Variants in OSBPL2 observed in about 807,000 individuals in gnomAD.
OSBPL2 encodes oxysterol binding protein like 2.
OSBPL2 carries 18 observed loss-of-function variants against 58.4 expected under a neutral mutation model. The observed-to-expected ratio is 0.31, with a 90% confidence interval of 0.21 to 0.46. OSBPL2 has a LOEUF of 0.46. Among genes scored for constraint, OSBPL2 ranks in the 20% least tolerant of loss-of-function variants. The pLI is 1.00. For missense variants in OSBPL2, 461 were observed against 616.5 expected, an observed-to-expected ratio of 0.75 and a Z score of 2.67; for synonymous variants, 221 against 234.1, an observed-to-expected ratio of 0.94 and a Z score of 0.51.
rs887335797 is a variant in OSBPL2, at chr20:62,295,269, A to T, written c.*1382A>T. 1 of 151,526 alleles carries T rather than the reference A, an allele frequency of 6.6e-6. No homozygotes were observed. Among genetic ancestry groups the T allele is most frequent in the Non-Finnish European group, 1.5e-5 (1 of 67,680 alleles). The allele number at this position is 151,526 out of a possible 1,614,324, so 9.4% of individuals were successfully genotyped here. A position where few individuals can be genotyped will look rare whatever the true frequency, so the allele number is the denominator to read the frequency against. ...GCCTGGCCGTGACTGATTTTTTTTC[A>T]TGTAGAATTGTCAACACGAGAGATC... On this transcript the variant is annotated 3_prime_UTR_variant, in exon 14 of 14. Coordinates refer to ENST00000313733, the MANE Select transcript of OSBPL2 (RefSeq NM_144498.4). The surrounding 1 kb of genome is among the most constrained non-coding windows in gnomAD (Gnocchi z 4.8).
intron 2 of OSBPL2, among the ~76,000 whole-genome samples, chr20:62,257,896 G>A (rs748600599): frequency 8.5e-5 from 13 of 152,074 alleles, no homozygotes; most frequent in Admixed American, 3.3e-4. Flanking sequence ...TGTACTTTTA[G>A]TAGAGACGGG....
chr20:62,257,253 T>C (rs1302424727), intron 2 of OSBPL2, among the ~76,000 whole-genome samples: 2 of 152,090 alleles, frequency 1.3e-5, no homozygotes, highest in African/African-American at 2.4e-5. Flanking sequence ...TTGATGGCTC[T>C]GGTGGCGCCT....
intron 1 of OSBPL2, among the ~76,000 whole-genome samples, chr20:62,251,896 T>TTTTTTTC (rs869097046): frequency 1.1e-5 from 1 of 90,528 alleles, no homozygotes; most frequent in African/African-American, 3.8e-5. Flanking sequence ...TTTTTTTTTT[T>TTTTTTTC]CTGGAGACAG....
chr20:62,245,252 C>G lies in OSBPL2; in HGVS notation c.-129+6655C>G, dbSNP rs548998919. Among the ~76,000 whole-genome samples the G allele has an allele frequency of 3.9e-5, 6 of 152,216 alleles. No individual in the cohort carries two copies. In the East Asian group the frequency reaches 9.7e-4, roughly 25 times the overall value. On this transcript the variant is annotated intron_variant, in intron 1 of 13. Transcript: ENST00000313733. ...TAGCTGGGACTACAGGCATGTGCCA[C>G]CTGTAATTTTTTTGTATTTTTAGTA...
chr20:62,263,257 C>T (rs1014067258), intron 3 of OSBPL2, among the ~76,000 whole-genome samples: 4 of 152,152 alleles, frequency 2.6e-5, no homozygotes, highest in African/African-American at 4.8e-5. Flanking sequence ...GTGGTCTGGC[C>T]GCTGCCCCAG....
chr20:62,281,726 C>T, intron 8 of OSBPL2, 64 bp from the exon 9 acceptor site: 3 of 1,281,992 alleles, frequency 2.3e-6, no homozygotes, highest in East Asian at 2.3e-5. Context: ...TCTCCTGTTA[C>T]AGAGTTACCC....
chr20:62,255,953 A>G, intron 1 of OSBPL2, 104 bp from the exon 2 acceptor site: 1 of 477,546 alleles, frequency 2.1e-6, no homozygotes, highest in East Asian at 3.8e-5. Context: ...ATTTGCTTAC[A>G]TGGAATTTAG....
intron 1 of OSBPL2, among the ~76,000 whole-genome samples, chr20:62,245,234 G>C (rs140721281): frequency 7.0e-4 from 107 of 152,254 alleles, no homozygotes; most frequent in African/African-American, 2.5e-3. Context: ...GAGTAGCTGG[G>C]ACTACAGGCA....
At chr20:62,270,200 CG>C (rs1981967201) in intron 4 of OSBPL2, among the ~76,000 whole-genome samples, 1 of 152,202 alleles carries the variant, frequency 6.6e-6, no homozygotes, top group Non-Finnish European at 1.5e-5. Context: ...CTGGTGCAGA[CG>C]AGGAGCCTGA....
intron 6 of OSBPL2, among the ~76,000 whole-genome samples, chr20:62,275,965 A>G (rs895422953): frequency 2.0e-5 from 3 of 148,460 alleles, no homozygotes; most frequent in Non-Finnish European, 4.4e-5. Context: ...GCTGGAGGGC[A>G]GTGGCATGAT....
intron 4 of OSBPL2, among the ~76,000 whole-genome samples, chr20:62,271,452 C>T (rs1323826876): frequency 6.6e-6 from 1 of 152,112 alleles, no homozygotes; most frequent in African/African-American, 2.4e-5. Context: ...GGGACCACTA[C>T]TCTGTTTTTT....
intron 10 of OSBPL2, 193 bp downstream of exon 10, chr20:62,284,362 G>A: frequency 1.7e-6 from 1 of 595,358 alleles, no homozygotes; most frequent in Non-Finnish European, 2.9e-6. Flanking sequence ...GGGTTTATCT[G>A]TATTTCTTTC....
chr20:62,257,325 C>T (rs79527636), intron 2 of OSBPL2, among the ~76,000 whole-genome samples: 16,232 of 152,232 alleles, frequency 0.11, 1,229 homozygotes, highest in African/African-American at 0.2. Context: ...CCTGTACCTG[C>T]GCTGGCAGCT....
At chr20:62,289,447 C>A in intron 12 of OSBPL2, 117 bp downstream of exon 12, 2 of 1,239,454 alleles carry the variant, frequency 1.6e-6, no homozygotes, top group South Asian at 1.5e-5. Flanking sequence ...GGAGCCCCGT[C>A]CCTCTCCCTA....
intron 1 of OSBPL2, among the ~76,000 whole-genome samples, chr20:62,250,043 C>G (rs1568826597): frequency 6.6e-6 from 1 of 152,252 alleles, no homozygotes; most frequent in Non-Finnish European, 1.5e-5. Context: ...GAGCTCAGCT[C>G]CAGGGTTGCC....
At chr20:62,251,485 T>C (rs1980537916) in intron 1 of OSBPL2, among the ~76,000 whole-genome samples, 2 of 149,872 alleles carry the variant, frequency 1.3e-5, no homozygotes, top group Admixed American at 6.7e-5. Flanking sequence ...CTCGGCTCAC[T>C]GCAACCTCTG....
At chr20:62,289,114 C>T (rs1568853553) in intron 11 of OSBPL2, 93 bp from the exon 12 acceptor site, 1 of 1,440,552 alleles carries the variant, frequency 6.9e-7, no homozygotes, top group East Asian at 2.3e-5. Context: ...CAGGTAGCAC[C>T]TGCGGGATTT....
intron 4 of OSBPL2, among the ~76,000 whole-genome samples, chr20:62,266,864 C>CA (rs1981702906): frequency 6.6e-6 from 1 of 152,310 alleles, no homozygotes; most frequent in Non-Finnish European, 1.5e-5. Context: ...CCAGTGGTCT[C>CA]ACGTGTTGCC....
At chr20:62,241,278 T>C (rs1425525713) in intron 1 of OSBPL2, among the ~76,000 whole-genome samples, 1 of 152,076 alleles carries the variant, frequency 6.6e-6, no homozygotes, top group Non-Finnish European at 1.5e-5. Context: ...CTGCAAGCTC[T>C]GCCTCCCGGG....
Sources: allele counts gnomAD v4.1 joint callset (sites outside exome capture counted in the v4.1 genomes callset), GRCh38; gene constraint gnomAD v4.1.1; non-coding constraint Gnocchi (gnomAD v3.1); transcripts MANE v1.5; gene names NCBI Gene and HGNC (gene_info 2026-07-23, HGNC 2026-07-21).